The following HSD17B13 variants were observed in gnomAD, a reference collection of about 807,000 sequenced individuals.
HSD17B13 encodes 17-beta-hydroxysteroid dehydrogenase 13.
In HSD17B13, 26 loss-of-function variants were observed where a neutral mutation model predicts 31.1. The observed-to-expected ratio is 0.84, with a 90% CI of 0.61 to 1.16. The LOEUF is 1.16. HSD17B13 is among the 50% of genes most tolerant of loss of function. The pLI is 0.00. For synonymous variants in HSD17B13, 141 were observed against 133.7 expected (o/e 1.05, Z -0.38); for missense variants, 374 against 366.5 (o/e 1.02, Z -0.17).
At chr4:87,306,559 G>C (rs978622271) in intron 6 of HSD17B13, among the ~76,000 whole-genome samples, 3 of 152,100 alleles carry the variant, frequency 2.0e-5, no homozygotes, top group African/African-American at 7.2e-5. Flanking sequence ...GTGGAGGAAA[G>C]CTTCAAAAGG....
intron 5 of HSD17B13, among the ~76,000 whole-genome samples, 178 bp downstream of exon 5, chr4:87,313,645 T>C (rs976889893): frequency 3.3e-5 from 5 of 152,200 alleles, no homozygotes; most frequent in Non-Finnish European, 7.3e-5. Context: ...TCATTCCTGC[T>C]AGTCCCTAAT....
In HSD17B13 at chr4:87,313,893, T is replaced by G. The variant is rs372241178; in HGVS notation, c.625A>C (p.Thr209Pro). Reference sequence around the variant, plus strand: ...CAGAGACATGAGGTTTTGATACCAGTTTTTCCCAAGGCCTGAAGTTCTGAT... The same window carrying G: ...CAGAGACATGAGGTTTTGATACCAGGTTTTCCCAAGGCCTGAAGTTCTGAT... ...LTSELQALGK[T>P]GIKTSCLCPV... is the part of the protein sequence containing the mutation. The change falls in exon 5 of 7, where the codon ACT (threonine) becomes CCT (proline). Residue 209 changes from threonine (T) to proline (P), a missense_variant. By Grantham distance (38) the Thr-to-Pro change is conservative. Coordinates refer to ENST00000328546, the MANE Select transcript of HSD17B13 (RefSeq NM_178135.5). 3 of 1,609,908 alleles carry G rather than the reference T, an allele frequency of 1.9e-6. No homozygotes were observed. Among genetic ancestry groups the G allele is most frequent in the Admixed American group, 3.4e-5 (2 of 59,290 alleles).
At chr4:87,314,564 A>T (rs1426283119) in intron 4 of HSD17B13, among the ~76,000 whole-genome samples, 1 of 151,410 alleles carries the variant, frequency 6.6e-6, no homozygotes, top group African/African-American at 2.4e-5. Flanking sequence ...CCTTCCCTTT[A>T]TGTCTTTGGT....
Position 87,317,095 on chromosome 4 carries a change from A to T in HSD17B13, c.447T>A (p.Phe149Leu), listed in dbSNP as rs767391751. The T allele has an allele frequency of 5.6e-6, 9 of 1,613,950 alleles. No individual in the cohort carries two copies. The highest frequency in any genetic ancestry group is 7.6e-6 in the Non-Finnish European group (9 of 1,179,860). The stretch of plus-strand genomic sequence containing the variant: ...AATGTTTCTGACTCACACTCACCCA[A>T]AAATGTCCTAGGATGTTGACCTCAA... ...KTFEVNILGH[F>L]WITKALLPSM... is the part of the protein sequence containing the mutation. Residue 149 changes from phenylalanine (F) to leucine (L), a missense_variant, in exon 3 of 7, where the codon TTT becomes TTA. Phe to Leu is a conservative substitution (Grantham distance 22, BLOSUM62 0). Coordinates refer to ENST00000328546, the MANE Select transcript of HSD17B13 (RefSeq NM_178135.5).
Position 87,313,908 on chromosome 4 carries a change from G to C in HSD17B13, c.610C>G (p.Gln204Glu). The C allele has an allele frequency of 6.2e-7, 1 of 1,609,204 alleles. No individual in the cohort carries two copies. Among genetic ancestry groups the C allele is most frequent in the African/African-American group, 1.3e-5 (1 of 74,580 alleles). ...GFHRGLTSEL[Q>E]ALGKTGIKTS... The stretch of plus-strand genomic sequence containing the variant: ...TTGATACCAGTTTTTCCCAAGGCCT[G>C]AAGTTCTGATGTCAGACCTCTGTGA... Residue 204 changes from glutamine to glutamate, a missense_variant, in exon 5 of 7, where the codon CAG (glutamine) becomes GAG (glutamate). Physicochemically the swap from Gln to Glu is conservative, Grantham distance 29 (BLOSUM62 2). Transcript: ENST00000328546.
intron 6 of HSD17B13, among the ~76,000 whole-genome samples, chr4:87,306,980 G>T (rs951743855): frequency 4.1e-5 from 6 of 145,586 alleles, no homozygotes; most frequent in Non-Finnish European, 9.0e-5. Context: ...ATAACATTCT[G>T]CAGAGAAAGT....
Position 87,310,376 on chromosome 4 carries a change from G to T in HSD17B13, c.696-17C>A. The T allele has an allele frequency of 7.2e-7, 1 of 1,396,680 alleles. No individual in the cohort carries two copies. The highest frequency in any genetic ancestry group is 1.9e-5 in the South Asian group (1 of 52,822). The allele number at this position is 1,396,680 out of a possible 1,614,324, so 86.5% of individuals were successfully genotyped here. ...GGCCATAATCTGTGATTAAAAAGAG[G>T]AAAATATTATTTTTATTTTCTAAAA... On this transcript the variant is annotated splice_polypyrimidine_tract_variant and intron_variant, in intron 5 of 6. Transcript: ENST00000328546.
chr4:87,320,435 G>C (rs1183278199), intron 1 of HSD17B13, among the ~76,000 whole-genome samples: 2 of 130,400 alleles, frequency 1.5e-5, no homozygotes, highest in African/African-American at 2.8e-5. Context: ...CGCCCAGGCT[G>C]GAGTGCAGTG....
chr4:87,314,641 T>A (rs7695293), intron 4 of HSD17B13, among the ~76,000 whole-genome samples: 3,278 of 142,132 alleles, frequency 0.023, 37 homozygotes, highest in African/African-American at 0.027. Flanking sequence ...TCTCTCTCTC[T>A]CACACACACA....
intron 6 of HSD17B13, among the ~76,000 whole-genome samples, chr4:87,309,346 T>A (rs1734472417): frequency 8.0e-6 from 1 of 124,764 alleles, no homozygotes; most frequent in Admixed American, 1.1e-4. Flanking sequence ...ATCACGCCAC[T>A]GCACTCCAGC....
chr4:87,313,944 CG>C lies in HSD17B13; in HGVS notation c.573del (p.Ala192LeufsTer8), dbSNP rs80182459. 15,508 of 1,564,194 alleles carry C rather than the reference CG, an allele frequency of 9.9e-3. 1,330 individuals are homozygous for C. The African/African-American group carries it at 0.19, about 19-fold the overall frequency. On this transcript the variant is annotated frameshift_variant, in exon 5 of 7. Coordinates refer to ENST00000328546, the MANE Select transcript of HSD17B13 (RefSeq NM_178135.5). LOFTEE classifies it high-confidence loss of function. The part of the protein sequence containing the change: ...YLIPYCSSKF[A>X]AVGFHRGLTS... ...GTCAGACCTCTGTGAAAGCCAACAG[CG>C]GCAAATTTGCTGGAACTGTAAGAGA...
intron 5 of HSD17B13, among the ~76,000 whole-genome samples, chr4:87,311,726 T>C (rs1286364645): frequency 1.3e-5 from 2 of 151,944 alleles, no homozygotes; most frequent in East Asian, 3.9e-4. Flanking sequence ...GGGTGAGGAG[T>C]TAGGGAGCCA....
chr4:87,311,196 C>T (rs187280880), intron 5 of HSD17B13, among the ~76,000 whole-genome samples: 1 of 152,122 alleles, frequency 6.6e-6, no homozygotes, highest in Non-Finnish European at 1.5e-5. Flanking sequence ...GAATTGCTCA[C>T]CCTTTTCCCG....
intron 6 of HSD17B13, among the ~76,000 whole-genome samples, chr4:87,307,010 G>A (rs1734405329): frequency 6.7e-6 from 1 of 149,752 alleles, no homozygotes; most frequent in Non-Finnish European, 1.5e-5. Flanking sequence ...AATCACTTTG[G>A]TATTGTTGAC....
At chr4:87,305,875 T>C (rs1169566982) in intron 6 of HSD17B13, among the ~76,000 whole-genome samples, 1 of 152,186 alleles carries the variant, frequency 6.6e-6, no homozygotes, top group East Asian at 1.9e-4. Flanking sequence ...GATTACAGCA[T>C]CAAGACATTC....
At chr4:87,312,577 T>C (rs1734554821) in intron 5 of HSD17B13, among the ~76,000 whole-genome samples, 1 of 123,588 alleles carries the variant, frequency 8.1e-6, no homozygotes, top group Non-Finnish European at 1.6e-5. Flanking sequence ...TCGCCCAGGC[T>C]GGAGTGCAGT....
intron 6 of HSD17B13, 97 bp from the exon 7 acceptor site, chr4:87,305,405 C>T: frequency 1.5e-6 from 1 of 662,434 alleles, no homozygotes; most frequent in East Asian, 3.0e-5. Context: ...TGAGAGTTAT[C>T]TGGTTTGCGT....
chr4:87,306,905 TAAAAAAAAAAA>T (rs67775053), intron 6 of HSD17B13, among the ~76,000 whole-genome samples: 12,317 of 44,870 alleles, frequency 0.27, 606 homozygotes, highest in Admixed American at 0.36. Context: ...AGACCCAATC[TAAAAAAAAAAA>T]AAAAAAAAAA....
chr4:87,309,947 G>A (rs753476159), intron 6 of HSD17B13, among the ~76,000 whole-genome samples: 5 of 152,062 alleles, frequency 3.3e-5, no homozygotes, highest in Non-Finnish European at 7.4e-5. Context: ...ATAACTTGAG[G>A]TCAGGAGTTC....
Sources: allele counts gnomAD v4.1 joint callset (sites outside exome capture counted in the v4.1 genomes callset), GRCh38; gene constraint gnomAD v4.1.1; transcripts MANE v1.5; gene names NCBI Gene and HGNC (gene_info 2026-07-23, HGNC 2026-07-21).